DST: variants seen among roughly 807,000 people sequenced by gnomAD.
DST encodes dystonin, also known as bullous pemphigoid antigen.
DST carries 253 observed loss-of-function variants against 875.2 expected under a neutral mutation model. That is an observed-to-expected ratio of 0.29 (90% CI 0.26 to 0.32). The LOEUF is 0.32. DST is among the 10% of genes least tolerant of loss of function. The pLI, the probability that DST is intolerant of heterozygous loss-of-function variation, is 1.00. For synonymous variants in DST, 3,124 were observed against 3,197.1 expected, an observed-to-expected ratio of 0.98 and a Z score of 0.77; for missense variants, 8,287 against 9,111.6, an observed-to-expected ratio of 0.91 and a Z score of 3.68.
intron 99 of DST, among the ~76,000 whole-genome samples, chr6:56,465,072 C>G (rs1432612743): frequency 6.6e-6 from 1 of 152,166 alleles, no homozygotes; most frequent in Non-Finnish European, 1.5e-5. Context: ...CAAACAGGAG[C>G]TTTTGTTCTT....
At chr6:56,817,206 A>T (rs2153042931) in intron 4 of DST, among the ~76,000 whole-genome samples, 1 of 152,290 alleles carries the variant, frequency 6.6e-6, no homozygotes, top group Non-Finnish European at 1.5e-5. Flanking sequence ...TCACTCTGGC[A>T]TCTCCCTTTC....
intron 4 of DST, among the ~76,000 whole-genome samples, chr6:56,848,812 A>G (rs1218334846): frequency 6.6e-6 from 1 of 152,124 alleles, no homozygotes; most frequent in African/African-American, 2.4e-5. Flanking sequence ...AGGTGGGTGG[A>G]TCACTTGAGG....
intron 54 of DST, among the ~76,000 whole-genome samples, chr6:56,569,515 T>TGCTGAGTG (rs2097747609): frequency 6.6e-6 from 1 of 152,068 alleles, no homozygotes; most frequent in African/African-American, 2.4e-5. Flanking sequence ...TAGAGTAAAA[T>TGCTGAGTG]GCTGAGTGAA....
intron 9 of DST, among the ~76,000 whole-genome samples, chr6:56,672,875 G>A (rs1339562684): frequency 2.0e-5 from 3 of 152,158 alleles, no homozygotes. Flanking sequence ...AGGAATAAAA[G>A]AATAAGTTTT....
intron 36 of DST, chr6:56,614,737 A>C: frequency 9.2e-7 from 1 of 1,089,220 alleles, no homozygotes; most frequent in African/African-American, 1.6e-5. Flanking sequence ...TGTTCCATCA[A>C]TGTTACAAAT....
chr6:56,891,992 A>G (rs528341642), intron 3 of DST, among the ~76,000 whole-genome samples: 27 of 152,298 alleles, frequency 1.8e-4, no homozygotes, highest in Middle Eastern at 6.8e-3. Context: ...GCAGAACACC[A>G]TGGGTTAGGC....
intron 2 of DST, among the ~76,000 whole-genome samples, chr6:56,947,539 C>G (rs1045599976): frequency 6.6e-6 from 1 of 152,232 alleles, no homozygotes; most frequent in African/African-American, 2.4e-5. Flanking sequence ...TGAGCCACCA[C>G]GCCCAGCCTG....
intron 3 of DST, among the ~76,000 whole-genome samples, chr6:56,881,606 A>G (rs1782257397): frequency 6.6e-6 from 1 of 152,214 alleles, no homozygotes; most frequent in Admixed American, 6.5e-5. Flanking sequence ...CTTCAAACTC[A>G]AAAGTTTATT....
chr6:56,804,850 A>G (rs17751966), intron 4 of DST, among the ~76,000 whole-genome samples: 24,767 of 152,034 alleles, frequency 0.16, 2,237 homozygotes, highest in Non-Finnish European at 0.19. Flanking sequence ...TGTCATTTCA[A>G]GCTGAGGTTG....
At chr6:56,575,818 A>C (rs2097855158) in intron 50 of DST, among the ~76,000 whole-genome samples, 1 of 152,152 alleles carries the variant, frequency 6.6e-6, no homozygotes, top group African/African-American at 2.4e-5. Flanking sequence ...AGAGCTCCTA[A>C]GACCTTTGTG....
rs772590922 is a variant in DST at position 56,594,001 on chromosome 6, G to A, written c.12388C>T (p.His4130Tyr). The change falls in exon 48 of 104, where the codon CAC becomes TAC. Residue 4130 changes from histidine to tyrosine, a missense_variant. Physicochemically the swap from His to Tyr is moderately conservative, Grantham distance 83. Transcript: ENST00000680361. ...TTTTCTAATTCTTCCTGCAGAGAGTGAGTTAACTTCATTTTCTTCTCTGAC... is the reference window on the plus strand; with the variant it reads ...TTTTCTAATTCTTCCTGCAGAGAGTAAGTTAACTTCATTTTCTTCTCTGAC... ...AESEKKMKLT[H>Y]SLQEELEKFD... 6 of 1,613,858 alleles carry A rather than the reference G, an allele frequency of 3.7e-6. No homozygotes were observed. Among genetic ancestry groups the A allele is most frequent in the Non-Finnish European group, 4.2e-6 (5 of 1,179,830 alleles).
At position 56,605,013 on chromosome 6, in the gene DST, G is replaced by C; in HGVS notation, c.9615C>G (p.Ser3205Arg). The change falls in exon 40 of 104, where the codon AGC becomes AGG. Residue 3205 changes from serine to arginine, a missense_variant. Physicochemically the swap from Ser to Arg is moderately radical, Grantham distance 110 (BLOSUM62 -1). Transcript: ENST00000680361. Reference sequence around the variant, plus strand: ...TGGGAGGGGCAGTTATTAAAACATGGCTTGGGACATCTTCATTTGGTTTGG... The same window carrying C: ...TGGGAGGGGCAGTTATTAAAACATGCCTTGGGACATCTTCATTTGGTTTGG... Reference protein sequence around the residue: ...DVAKPNEDVPSHVLITAPPMK... With the variant: ...DVAKPNEDVPRHVLITAPPMK... 6.2e-7 allele frequency: 1 copy of C among 1,612,868 alleles called. No homozygotes were observed. Among genetic ancestry groups the C allele is most frequent in the South Asian group, 1.1e-5 (1 of 91,044 alleles).
In DST at chr6:56,568,219, T is replaced by C. The variant is rs2097715405; in HGVS notation, c.14005+250A>G. ...GTTCCCTTCCCCAATATAACATTCC[T>C]TATTCTTACATATTAATTTAGCTAC... On this transcript the variant is annotated intron_variant, in intron 55 of 103. Transcript: ENST00000680361. Among the ~76,000 whole-genome samples the C allele has an allele frequency of 4.6e-5, 7 of 152,234 alleles. No individual in the cohort carries two copies. In the South Asian group the frequency reaches 1.2e-3, roughly 27 times the overall value.
chr6:56,695,462 C>T (rs1330243786), intron 9 of DST, among the ~76,000 whole-genome samples: 2 of 152,202 alleles, frequency 1.3e-5, no homozygotes, highest in Non-Finnish European at 2.9e-5. Flanking sequence ...TGCTACCTCT[C>T]CCAGAAATGG....
In DST at chr6:56,608,521, T is replaced by C. The variant is rs1408616266; in HGVS notation, c.6107A>G (p.Gln2036Arg). The C allele has an allele frequency of 3.1e-6, 5 of 1,613,506 alleles. No individual in the cohort carries two copies. The Admixed American group carries it at 8.4e-5, about 27-fold the overall frequency. Residue 2036 changes from glutamine to arginine, a missense_variant, in exon 40 of 104, where the codon CAG (glutamine) becomes CGG (arginine). This residue lies in a region of DST where 3,138 missense variants were observed against 3,116.6 expected (regional missense o/e 1.01). Transcript: ENST00000680361. ...AGTTAAACGCTTGGCAGGGTTTGAC[T>C]GGATGATTCCACCAGTTTGAACCTG... ...TYQVQTGGIIQSNPAKRLTVD... is the reference protein window; with the variant it reads ...TYQVQTGGIIRSNPAKRLTVD...
Position 56,593,672 on chromosome 6 carries a change from G to A in DST, c.12717C>T (p.Leu4239=), listed in dbSNP as rs2152688476. 6.4e-7 allele frequency: 1 copy of A among 1,569,330 alleles called. No individual in the cohort carries two copies. The highest frequency in any genetic ancestry group is 1.2e-5 in the South Asian group (1 of 84,210). ...LDHATDRFRS[L]YSKCNVLGNN... ...ATCAAAATAACATTACCTTAGAGTA[G>A]AGAGACCTGAACCGATCAGTAGCAT... is the stretch of plus-strand genomic sequence containing the variant. The change falls in exon 48 of 104, where the codon CTC becomes CTT. Residue 4239 remains leucine (L), a synonymous_variant. Transcript: ENST00000680361.
intron 49 of DST, among the ~76,000 whole-genome samples, chr6:56,583,469 G>T (rs1319228109): frequency 1.3e-5 from 2 of 151,908 alleles, no homozygotes; most frequent in East Asian, 1.9e-4. Context: ...TAAATTTGTT[G>T]GAGTTCATTG....
intron 9 of DST, among the ~76,000 whole-genome samples, chr6:56,688,762 T>C (rs1177834663): frequency 6.6e-6 from 1 of 152,230 alleles, no homozygotes; most frequent in East Asian, 1.9e-4. Context: ...CTGTCATTTG[T>C]TATGAACAAA....
intron 55 of DST, among the ~76,000 whole-genome samples, chr6:56,563,200 T>C (rs10949003): frequency 0.38 from 58,057 of 151,912 alleles, 11,449 homozygotes; most frequent in Admixed American, 0.44. Flanking sequence ...TACACTCCCA[T>C]CAACAGTGTA....
Sources: gnomAD v4.1 joint callset for allele counts (sites outside exome capture counted in the v4.1 genomes callset) on GRCh38, gnomAD v4.1.1 for gene constraint, gnomAD v4.1.1 regional missense constraint, MANE v1.5 for transcripts, NCBI Gene and HGNC (gene_info 2026-07-23, HGNC 2026-07-21) for gene names.